Variants in USH1G observed in about 807,000 individuals in gnomAD.
USH1G encodes USH1 protein network component sans, also known as pre-mRNA splicing regulator USH1G.
In USH1G, 27 loss-of-function variants were observed where a neutral mutation model predicts 31.9. The observed-to-expected ratio is 0.85, with a 90% CI of 0.62 to 1.17. USH1G has a LOEUF of 1.17. Ranked by LOEUF, USH1G falls within the 50% of genes most tolerant of loss-of-function variation. USH1G has a pLI of 0.00. For synonymous variants in USH1G, 266 were observed against 283.2 expected, an observed-to-expected ratio of 0.94 and a Z score of 0.61; for missense variants, 674 against 638.9, an observed-to-expected ratio of 1.05 and a Z score of -0.59.
rs571020095 is a variant in USH1G, at chr17:74,921,620, T to C, written c.165-949A>G. Among the ~76,000 whole-genome samples, 69 of 152,120 alleles carry C rather than the reference T, an allele frequency of 4.5e-4. No homozygotes were observed. The highest frequency in any genetic ancestry group is 1.6e-3 in the African/African-American group (65 of 41,476). On this transcript the variant is annotated intron_variant, in intron 1 of 2. Coordinates refer to ENST00000614341, the MANE Select transcript of USH1G (RefSeq NM_173477.5). This position sits in a 1 kb window ranked among gnomAD's most constrained non-coding sequence, Gnocchi z 4.6. ...CTCCCCACACACCCCTTCCTGGGCC[T>C]CCCCTCCTGGCCGCCAAGTCCTGCA...
In USH1G at chr17:74,920,857, G is replaced by T. The variant is rs1368904374; in HGVS notation, c.165-186C>A. The stretch of plus-strand genomic sequence containing the variant: ...CCACCCAACAGGTGAGCCCAGGGGT[G>T]AGCCCAGGGGAAAATGGCCTCAGGC... On this transcript the variant is annotated intron_variant, in intron 1 of 2. Coordinates refer to ENST00000614341, the MANE Select transcript of USH1G (RefSeq NM_173477.5). The surrounding 1 kb of genome is among the most constrained non-coding windows in gnomAD (Gnocchi z 5.2). Among the ~76,000 whole-genome samples, 1 of 152,158 alleles carries T rather than the reference G, an allele frequency of 6.6e-6. No homozygotes were observed. The highest frequency in any genetic ancestry group is 2.4e-5 in the African/African-American group (1 of 41,426).
Position 74,920,098 on chromosome 17 carries a change from G to A in USH1G, c.738C>T (p.Gly246=). ...DGRKSARSLS[G]LQLGSDVMFV... Reference sequence around the variant, plus strand: ...ACATCACGTCGCTGCCCAGCTGCAGGCCCGAGAGCGAGCGGGCGCTCTTGC... The same window carrying A: ...ACATCACGTCGCTGCCCAGCTGCAGACCCGAGAGCGAGCGGGCGCTCTTGC... The change falls in exon 2 of 3, where the codon GGC becomes GGT. Residue 246 remains glycine (G), a synonymous_variant. Transcript: ENST00000614341. This position sits in a 1 kb window ranked among gnomAD's most constrained non-coding sequence, Gnocchi z 5.2. 1 of 1,604,046 alleles carries A rather than the reference G, an allele frequency of 6.2e-7. No homozygotes were observed. The highest frequency in any genetic ancestry group is 1.1e-5 in the South Asian group (1 of 91,034).
At position 74,919,509 on chromosome 17, in the gene USH1G, C is replaced by T. The variant is rs1194345460; in HGVS notation, c.1327G>A (p.Val443Met). Residue 443 changes from valine to methionine, a missense_variant, in exon 2 of 3, where the codon GTG (valine) becomes ATG (methionine). Physicochemically the swap from Val to Met is conservative, Grantham distance 21. Transcript: ENST00000614341. The surrounding 1 kb of genome is among the most constrained non-coding windows in gnomAD (Gnocchi z 4.5). ...LGPRKKILGA[V>M]RRRRQAMERP... is the part of the protein sequence containing the mutation. ...TCCATCGCCTGCCGCCGCCTCCTCACGGCCCCCAAGATCTTCTTTCGGGGC... is the reference window on the plus strand; with the variant it reads ...TCCATCGCCTGCCGCCGCCTCCTCATGGCCCCCAAGATCTTCTTTCGGGGC... The T allele has an allele frequency of 1.2e-5, 19 of 1,610,592 alleles. No individual in the cohort carries two copies. The highest frequency in any genetic ancestry group is 1.4e-5 in the Non-Finnish European group (17 of 1,179,376).
chr17:74,918,808 CAA>C lies in USH1G; in HGVS notation c.1382+644_1382+645del, dbSNP rs58218083. Among the ~76,000 whole-genome samples the C allele has an allele frequency of 0.033, 3,505 of 107,172 alleles. 137 individuals carry two copies. The highest frequency in any genetic ancestry group is 0.1 in the African/African-American group (3,285 of 31,778). The allele number at this position is 107,172 out of a possible 152,430, so 70.3% of individuals were successfully genotyped here. ...CTGGATGACAAGAGGGAAACTGTCT[CAA>C]AAAAAAAAAAAAAAAAATCTGCCTG... On this transcript the variant is annotated intron_variant, in intron 2 of 2. Transcript: ENST00000614341. This position sits in a 1 kb window ranked among gnomAD's most constrained non-coding sequence, Gnocchi z 4.1.
chr17:74,920,165 T>C lies in USH1G; in HGVS notation c.671A>G (p.Lys224Arg). Reference protein sequence around the residue: ...TKMQKKLERRKQGGEGTFKVS... With the variant: ...TKMQKKLERRRQGGEGTFKVS... ...CTTGAAGGTGCCTTCGCCGCCCTGCTTGCGCCGCTCCAGCTTCTTCTGCAT... is the reference window on the plus strand; with the variant it reads ...CTTGAAGGTGCCTTCGCCGCCCTGCCTGCGCCGCTCCAGCTTCTTCTGCAT... Residue 224 changes from lysine to arginine, a missense_variant, in exon 2 of 3, where the codon AAG becomes AGG. By Grantham distance (26) the Lys-to-Arg change is conservative (BLOSUM62 2). Coordinates refer to ENST00000614341, the MANE Select transcript of USH1G (RefSeq NM_173477.5). This position sits in a 1 kb window ranked among gnomAD's most constrained non-coding sequence, Gnocchi z 5.2. 6.2e-7 allele frequency: 1 copy of C among 1,602,030 alleles called. No homozygotes were observed. Among genetic ancestry groups the C allele is most frequent in the Non-Finnish European group, 8.5e-7 (1 of 1,179,826 alleles).
At chr17:74,922,065 C>T (rs548209084) in intron 1 of USH1G, among the ~76,000 whole-genome samples, 1 of 152,324 alleles carries the variant, frequency 6.6e-6, no homozygotes, top group South Asian at 2.1e-4. Flanking sequence ...CCAGGCTGCC[C>T]TGATGCCCAG....
Position 74,918,200 on chromosome 17 carries a change from A to G in USH1G, c.1383-124T>C. ...TCTCTCGGCAGGCCAATTGTCAGGG[A>G]TGGGGGACGCCAGCCTATGGGTGAC... On this transcript the variant is annotated intron_variant, in intron 2 of 2. Coordinates refer to ENST00000614341, the MANE Select transcript of USH1G (RefSeq NM_173477.5). The surrounding 1 kb of genome is among the most constrained non-coding windows in gnomAD (Gnocchi z 4.1). 7.3e-7 allele frequency: 1 copy of G among 1,367,418 alleles called. No homozygotes were observed. The highest frequency in any genetic ancestry group is 1.0e-6 in the Non-Finnish European group (1 of 979,122). 84.7% of individuals were successfully genotyped at this position (1,367,418 alleles called of 1,614,324 possible). A position where few individuals can be genotyped will look rare whatever the true frequency, so the allele number is the denominator to read the frequency against.
chr17:74,916,167 C>G lies in USH1G; in HGVS notation c.*1906G>C, dbSNP rs2038864975. 1 of 152,278 alleles carries G rather than the reference C, an allele frequency of 6.6e-6. No homozygotes were observed. Among genetic ancestry groups the G allele is most frequent in the Admixed American group, 6.5e-5 (1 of 15,282 alleles). The allele number at this position is 152,278 out of a possible 1,614,324, so 9.4% of individuals were successfully genotyped here. Reference sequence around the variant, plus strand: ...GGGGTACAGTGGTGGGAGCACAGAGCCTGCTCCACCCCAGCACCAGAAGAA... The same window carrying G: ...GGGGTACAGTGGTGGGAGCACAGAGGCTGCTCCACCCCAGCACCAGAAGAA... On this transcript the variant is annotated 3_prime_UTR_variant, in exon 3 of 3. Transcript: ENST00000614341.
chr17:74,919,683 G>A lies in USH1G; in HGVS notation c.1153C>T (p.Leu385=). 1 of 1,612,860 alleles carries A rather than the reference G, an allele frequency of 6.2e-7. No homozygotes were observed. Among genetic ancestry groups the A allele is most frequent in the South Asian group, 1.1e-5 (1 of 91,092 alleles). ...TCCAGCGGGCTAGTCTCGGGCTCCA[G>A]GTCCTCGTCCAAGCCTAAATCGAGC... ...DELDLGLDED[L]EPETSPLETF... is the part of the protein sequence containing the mutation. Residue 385 remains leucine, a synonymous_variant, in exon 2 of 3, where the codon CTG becomes TTG. Transcript: ENST00000614341. The surrounding 1 kb of genome is among the most constrained non-coding windows in gnomAD (Gnocchi z 4.5).
chr17:74,922,780 C>T (rs1388621285), intron 1 of USH1G, 130 bp downstream of exon 1: 1 of 1,092,682 alleles, frequency 9.2e-7, no homozygotes, highest in Middle Eastern at 2.4e-4. Flanking sequence ...CAACATGTGT[C>T]TCTCCCACAA....
chr17:74,917,997 C>T lies in USH1G; in HGVS notation c.*76G>A. On this transcript the variant is annotated 3_prime_UTR_variant, in exon 3 of 3. Transcript: ENST00000614341. The stretch of plus-strand genomic sequence containing the variant: ...GGGAAGGGGGCTGCAGGGCTGGCAA[C>T]TGTGAGGACCTCGAGACCCCACCAT... The T allele has an allele frequency of 6.2e-7, 1 of 1,600,838 alleles. No homozygotes were observed. Among genetic ancestry groups the T allele is most frequent in the East Asian group, 2.2e-5 (1 of 44,742 alleles).
chr17:74,921,106 C>T lies in USH1G; in HGVS notation c.165-435G>A. Among the ~76,000 whole-genome samples the T allele has an allele frequency of 6.6e-6, 1 of 152,078 alleles. No individual in the cohort carries two copies. The highest frequency in any genetic ancestry group is 1.5e-5 in the Non-Finnish European group (1 of 67,988). On this transcript the variant is annotated intron_variant, in intron 1 of 2. Coordinates refer to ENST00000614341, the MANE Select transcript of USH1G (RefSeq NM_173477.5). This position sits in a 1 kb window ranked among gnomAD's most constrained non-coding sequence, Gnocchi z 4.6. ...GAGTGTGGCTGCGTGTGCCGAGTGACCGTAAAAGAGAACAGACCAGTGGGT... is the reference window on the plus strand; with the variant it reads ...GAGTGTGGCTGCGTGTGCCGAGTGATCGTAAAAGAGAACAGACCAGTGGGT...
rs1202929044 is a variant in USH1G, at chr17:74,918,975, G to A, written c.1382+479C>T. The stretch of plus-strand genomic sequence containing the variant: ...GAGCAGCAGCAGGACCTTGAGGTGA[G>A]CTATTCTAACTGTCTGAGCCTCCAC... On this transcript the variant is annotated intron_variant, in intron 2 of 2. Transcript: ENST00000614341. The surrounding 1 kb of genome is among the most constrained non-coding windows in gnomAD (Gnocchi z 4.1). 6.6e-6 allele frequency among the ~76,000 whole-genome samples: 1 copy of A among 152,126 alleles called. No homozygotes were observed. Among genetic ancestry groups the A allele is most frequent in the Non-Finnish European group, 1.5e-5 (1 of 68,034 alleles).
Position 74,919,788 on chromosome 17 carries a change from G to C in USH1G, c.1048C>G (p.Pro350Ala). The change falls in exon 2 of 3, where the codon CCC (proline) becomes GCC (alanine). Residue 350 changes from proline to alanine, a missense_variant. Pro to Ala is a conservative substitution (Grantham distance 27). Coordinates refer to ENST00000614341, the MANE Select transcript of USH1G (RefSeq NM_173477.5). This position sits in a 1 kb window ranked among gnomAD's most constrained non-coding sequence, Gnocchi z 4.5. ...GAPRGRLQSS[P>A]SLDDDSLGSA... is the part of the protein sequence containing the mutation. ...CCCAGGCTGTCATCGTCCAGGCTGG[G>C]GGAGCTCTGCAGCCGACCCCGCGGC... 1 of 1,612,920 alleles carries C rather than the reference G, an allele frequency of 6.2e-7. No homozygotes were observed. The highest frequency in any genetic ancestry group is 8.5e-7 in the Non-Finnish European group (1 of 1,179,980).
At position 74,919,445 on chromosome 17, in the gene USH1G, GA is replaced by G; in HGVS notation, c.1382+8del. 1 of 1,598,982 alleles carries G rather than the reference GA, an allele frequency of 6.3e-7. No individual in the cohort carries two copies. The highest frequency in any genetic ancestry group is 8.5e-7 in the Non-Finnish European group (1 of 1,172,600). ...CTCCTCCATCCCCCCCGCCAGGCTG[GA>G]CACTCACAGCTCTGTGTCCTCCAGG... is the stretch of plus-strand genomic sequence containing the variant. On this transcript the variant is annotated splice_region_variant and intron_variant, in intron 2 of 2. Coordinates refer to ENST00000614341, the MANE Select transcript of USH1G (RefSeq NM_173477.5). This position sits in a 1 kb window ranked among gnomAD's most constrained non-coding sequence, Gnocchi z 4.5.
Position 74,923,109 on chromosome 17 carries a change from G to C in USH1G, c.-36C>G. On this transcript the variant is annotated 5_prime_UTR_variant, in exon 1 of 3. Transcript: ENST00000614341. This position sits in a 1 kb window ranked among gnomAD's most constrained non-coding sequence, Gnocchi z 5.3. ...GTGGACGGGGCGGGCGGGGGACACG[G>C]AGAAAGGCCCCCCGCAGGGGAGGGC... 6.5e-7 allele frequency: 1 copy of C among 1,542,006 alleles called. No individual in the cohort carries two copies. Among genetic ancestry groups the C allele is most frequent in the African/African-American group, 1.4e-5 (1 of 73,482 alleles).
chr17:74,923,192 CG>C lies in USH1G; in HGVS notation c.-120del. On this transcript the variant is annotated 5_prime_UTR_variant, in exon 1 of 3. Transcript: ENST00000614341. The surrounding 1 kb of genome is among the most constrained non-coding windows in gnomAD (Gnocchi z 5.3). ...GACGGGGCCGGGCAGGGGCCGGGGC[CG>C]CCAGCCCCCGCTGCCGCAGACGGAG... The C allele has an allele frequency of 2.2e-6, 2 of 893,404 alleles. No individual in the cohort carries two copies. Among genetic ancestry groups the C allele is most frequent in the Non-Finnish European group, 3.1e-6 (2 of 654,810 alleles). The allele number at this position is 893,404 out of a possible 1,614,324, so 55.3% of individuals were successfully genotyped here. A position where few individuals can be genotyped will look rare whatever the true frequency, so the allele number is the denominator to read the frequency against.
chr17:74,923,056 G>A lies in USH1G; in HGVS notation c.18C>T (p.His6=), dbSNP rs1324516940. Residue 6 remains histidine, a synonymous_variant, in exon 1 of 3, where the codon CAC becomes CAT. Coordinates refer to ENST00000614341, the MANE Select transcript of USH1G (RefSeq NM_173477.5). This position sits in a 1 kb window ranked among gnomAD's most constrained non-coding sequence, Gnocchi z 5.3. The part of the protein sequence containing the change: MNDQY[H]RAARDGYLEL... ...CCAGGTAGCCATCCCGGGCTGCCCGGTGGTACTGGTCGTTCATGGCGCCCG... is the reference window on the plus strand; with the variant it reads ...CCAGGTAGCCATCCCGGGCTGCCCGATGGTACTGGTCGTTCATGGCGCCCG... 1 of 1,586,802 alleles carries A rather than the reference G, an allele frequency of 6.3e-7. No individual in the cohort carries two copies. The highest frequency in any genetic ancestry group is 8.6e-7 in the Non-Finnish European group (1 of 1,165,684).
rs1243716058 is a variant in USH1G, at chr17:74,918,742, G to C, written c.1383-666C>G. ...TGAGGCAGGAGAATCGCTTGAACCC[G>C]GGAGGTGGAGGTTACAGTGATTGTG... On this transcript the variant is annotated intron_variant, in intron 2 of 2. Coordinates refer to ENST00000614341, the MANE Select transcript of USH1G (RefSeq NM_173477.5). The surrounding 1 kb of genome is among the most constrained non-coding windows in gnomAD (Gnocchi z 4.1). Among the ~76,000 whole-genome samples, 1 of 151,820 alleles carries C rather than the reference G, an allele frequency of 6.6e-6. No individual in the cohort carries two copies. The highest frequency in any genetic ancestry group is 2.4e-5 in the African/African-American group (1 of 41,282).
Sources: gnomAD v4.1 joint callset for allele counts (sites outside exome capture counted in the v4.1 genomes callset) on GRCh38, gnomAD v4.1.1 for gene constraint, Gnocchi (gnomAD v3.1) non-coding constraint, MANE v1.5 for transcripts, NCBI Gene and HGNC (gene_info 2026-07-23, HGNC 2026-07-21) for gene names.